The following LONP2 variants were observed in gnomAD, a reference collection of about 807,000 sequenced individuals.
LONP2 encodes lon protease homolog 2, peroxisomal.
LONP2 carries 60 observed loss-of-function variants against 85.6 expected under a neutral mutation model. The observed-to-expected ratio is 0.70, with a 90% CI of 0.57 to 0.87. The LOEUF (loss-of-function observed/expected upper bound fraction) is 0.87. Among genes scored for constraint, LONP2 ranks in the 40% least tolerant of loss-of-function variants. The pLI is 0.00. For missense variants in LONP2, 860 were observed against 1,063.5 expected (o/e 0.81, Z 2.66); for synonymous variants, 395 against 389.7 (o/e 1.01, Z -0.16).
At chr16:48,265,758 T>C (rs2150972941) in intron 6 of LONP2, among the ~76,000 whole-genome samples, 1 of 152,318 alleles carries the variant, frequency 6.6e-6, no homozygotes, top group South Asian at 2.1e-4. Context: ...TTGTGAAAAA[T>C]GTCATTGGAA....
chr16:48,315,312 T>G (rs1264967355), intron 11 of LONP2, among the ~76,000 whole-genome samples: 1 of 152,210 alleles, frequency 6.6e-6, no homozygotes, highest in African/African-American at 2.4e-5. Flanking sequence ...AACCTGAGAT[T>G]TGCTGACAGT....
chr16:48,311,747 G>A (rs1289307539), intron 11 of LONP2, among the ~76,000 whole-genome samples: 1 of 152,060 alleles, frequency 6.6e-6, no homozygotes, highest in Non-Finnish European at 1.5e-5. Context: ...ACTGTCCTAA[G>A]TAGCTACAAA....
intron 11 of LONP2, among the ~76,000 whole-genome samples, chr16:48,327,638 A>C (rs1959281774): frequency 1.3e-5 from 2 of 152,016 alleles, no homozygotes. Flanking sequence ...TTGTGTTTTC[A>C]TTAGAGATGG....
At chr16:48,258,341 G>A (rs1243530318) in intron 3 of LONP2, among the ~76,000 whole-genome samples, 2 of 136,446 alleles carry the variant, frequency 1.5e-5, no homozygotes, top group African/African-American at 5.8e-5. Flanking sequence ...GCAAGATTCC[G>A]TCTCAAAAAA....
chr16:48,275,680 A>G (rs964566378), intron 7 of LONP2, among the ~76,000 whole-genome samples: 2 of 152,148 alleles, frequency 1.3e-5, no homozygotes, highest in Non-Finnish European at 2.9e-5. Flanking sequence ...AAGGGGCGTA[A>G]TAGTATCTTG....
At chr16:48,319,028 C>T (rs1164108878) in intron 11 of LONP2, among the ~76,000 whole-genome samples, 3 of 151,402 alleles carry the variant, frequency 2.0e-5, no homozygotes, top group Non-Finnish European at 4.4e-5. Context: ...TATCCATTCT[C>T]GTCTACGGCC....
intron 3 of LONP2, among the ~76,000 whole-genome samples, chr16:48,257,582 TTTAAG>T (rs200656184): frequency 0.012 from 1,863 of 152,338 alleles, 40 homozygotes; most frequent in African/African-American, 0.042. Context: ...ACTGTAATAC[TTTAAG>T]TTTTCTTGCA....
chr16:48,290,583 C>A (rs1483297248), intron 8 of LONP2, among the ~76,000 whole-genome samples: 1 of 150,500 alleles, frequency 6.6e-6, no homozygotes, highest in South Asian at 2.1e-4. Flanking sequence ...GCTCACAGAA[C>A]TCAGGGAAAC....
chr16:48,294,554 C>A (rs960766479), intron 8 of LONP2, among the ~76,000 whole-genome samples: 1 of 152,034 alleles, frequency 6.6e-6, no homozygotes, highest in Non-Finnish European at 1.5e-5. Flanking sequence ...TTGCTTGAGG[C>A]CAGGAGTTTG....
At chr16:48,275,006 C>T (rs1038912331) in intron 7 of LONP2, among the ~76,000 whole-genome samples, 3 of 152,072 alleles carry the variant, frequency 2.0e-5, no homozygotes, top group Non-Finnish European at 4.4e-5. Flanking sequence ...AAGACATTTG[C>T]AAAAGTTGCT....
intron 2 of LONP2, among the ~76,000 whole-genome samples, chr16:48,255,218 G>A (rs1289277512): frequency 3.3e-5 from 5 of 152,150 alleles, no homozygotes; most frequent in Admixed American, 6.5e-5. Flanking sequence ...TGGGGGTTGT[G>A]TCTGCCTATT....
In LONP2 at chr16:48,256,693, A is replaced by G. The variant is rs1971767900; in HGVS notation, c.552A>G (p.Pro184=). 1 of 1,613,886 alleles carries G rather than the reference A, an allele frequency of 6.2e-7. No homozygotes were observed. Among genetic ancestry groups the G allele is most frequent in the African/African-American group, 1.3e-5 (1 of 74,916 alleles). Residue 184 remains proline, a synonymous_variant, in exon 3 of 15, where the codon CCA becomes CCG. Transcript: ENST00000285737. ...LLDSLPREAL[P]DILTSIIRTS... is the part of the protein sequence containing the mutation. ...ATAGTCTTCCAAGGGAAGCTTTACC[A>G]GACATCTTGACATCAATTATCCGAA...
At chr16:48,323,306 G>A (rs868335110) in intron 11 of LONP2, among the ~76,000 whole-genome samples, 9 of 152,120 alleles carry the variant, frequency 5.9e-5, no homozygotes, top group Admixed American at 2.0e-4. Context: ...GTGGAAAAAT[G>A]TTTGCAGATA....
chr16:48,284,727 G>A (rs1972402884), intron 8 of LONP2, among the ~76,000 whole-genome samples: 1 of 152,082 alleles, frequency 6.6e-6, no homozygotes, highest in South Asian at 2.1e-4. Context: ...TCACTCTGTT[G>A]CAAAATTTGC....
intron 12 of LONP2, among the ~76,000 whole-genome samples, chr16:48,340,609 T>G (rs1462184062): frequency 6.6e-6 from 1 of 152,256 alleles, no homozygotes; most frequent in Non-Finnish European, 1.5e-5. Flanking sequence ...TAATATCTTT[T>G]GTATTCCCTA....
chr16:48,283,064 A>G (rs1168247103), intron 8 of LONP2, among the ~76,000 whole-genome samples: 1 of 152,240 alleles, frequency 6.6e-6, no homozygotes, highest in African/African-American at 2.4e-5. Flanking sequence ...CCTTAAGCCG[A>G]AACCTAGTCC....
rs956413834 is a variant in LONP2 at position 48,334,505 on chromosome 16, G to C, written c.1938+147G>C. ...CTTCTTTTTGGGACGCAGGTTGTTG[G>C]TGTGGCCGCACTTCTTGCAGCAGTT... On this transcript the variant is annotated intron_variant, in intron 12 of 14. Coordinates refer to ENST00000285737, the MANE Select transcript of LONP2 (RefSeq NM_031490.5). 3 of 960,208 alleles carry C rather than the reference G, an allele frequency of 3.1e-6. No individual in the cohort carries two copies. In the African/African-American group the frequency reaches 4.9e-5, roughly 16 times the overall value. 59.5% of individuals were successfully genotyped at this position (960,208 alleles called of 1,614,324 possible).
intron 11 of LONP2, among the ~76,000 whole-genome samples, chr16:48,329,436 G>A (rs1959366463): frequency 6.6e-6 from 1 of 152,182 alleles, no homozygotes; most frequent in African/African-American, 2.4e-5. Flanking sequence ...GTTTCAGGGT[G>A]TTTGTGTTCA....
chr16:48,303,316 T>G lies in LONP2; in HGVS notation c.1795+11T>G. 5 of 1,610,660 alleles carry G rather than the reference T, an allele frequency of 3.1e-6. No individual in the cohort carries two copies. Among genetic ancestry groups the G allele is most frequent in the Non-Finnish European group, 4.2e-6 (5 of 1,177,148 alleles). ...TGACTGAGAGAGAAGGTTGGTGACC[T>G]TGTTCTGGCATTCTCAGGCCTGGTG... On this transcript the variant is annotated intron_variant, in intron 11 of 14. Coordinates refer to ENST00000285737, the MANE Select transcript of LONP2 (RefSeq NM_031490.5).
Sources: allele counts gnomAD v4.1 joint callset (sites outside exome capture counted in the v4.1 genomes callset), GRCh38; gene constraint gnomAD v4.1.1; transcripts MANE v1.5; gene names NCBI Gene and HGNC (gene_info 2026-07-23, HGNC 2026-07-21).